The following MTSS1 variants were observed in gnomAD, a reference collection of about 807,000 sequenced individuals.
The protein encoded by MTSS1 is MTSS I-BAR domain containing 1.
A neutral mutation model predicts 79.0 loss-of-function variants in MTSS1; 18 were observed. The observed-to-expected ratio is 0.23, with a 90% CI of 0.16 to 0.34. MTSS1 has a LOEUF of 0.34. MTSS1 is among the 10% of genes least tolerant of loss of function. MTSS1 has a pLI of 1.00. For synonymous variants in MTSS1, 341 were observed against 368.6 expected (o/e 0.93, Z 0.86); for missense variants, 815 against 986.2 (o/e 0.83, Z 2.33).
At chr8:124,602,178 C>CACATATATACATATATAT (rs1833946423) in intron 3 of MTSS1, among the ~76,000 whole-genome samples, 1 of 101,420 alleles carries the variant, frequency 9.9e-6, no homozygotes, top group African/African-American at 4.7e-5. Flanking sequence ...AAATAAATCT[C>CACATATATACATATATAT]ATATATATAC....
At chr8:124,699,744 G>A in intron 2 of MTSS1, 145 bp from the exon 3 acceptor site, 1 of 703,306 alleles carries the variant, frequency 1.4e-6, no homozygotes, top group Non-Finnish European at 2.4e-6. Context: ...CCACTGTCTT[G>A]CTGAACCCAC....
chr8:124,635,777 AG>A (rs1362881899), intron 3 of MTSS1, among the ~76,000 whole-genome samples: 3 of 152,072 alleles, frequency 2.0e-5, no homozygotes, highest in Admixed American at 1.3e-4. Flanking sequence ...CCCTATTTGT[AG>A]ATGGAATCAA....
chr8:124,556,733 G>A (rs1255735725), intron 11 of MTSS1, among the ~76,000 whole-genome samples: 3 of 152,258 alleles, frequency 2.0e-5, no homozygotes, highest in African/African-American at 7.2e-5. Context: ...GCAGTACATC[G>A]TGCTTCTCCT....
intron 11 of MTSS1, 107 bp downstream of exon 11, chr8:124,557,574 T>C (rs894960178): frequency 1.1e-5 from 12 of 1,118,946 alleles, no homozygotes; most frequent in Non-Finnish European, 1.5e-5. Flanking sequence ...GAAGGCAGAG[T>C]GTGAAAGGAA....
intron 3 of MTSS1, among the ~76,000 whole-genome samples, chr8:124,648,459 C>T (rs1201158589): frequency 1.3e-5 from 2 of 152,120 alleles, no homozygotes; most frequent in African/African-American, 4.8e-5. Flanking sequence ...TCACTGGAAG[C>T]TCACTTTGCC....
chr8:124,678,915 G>A (rs943783206), intron 3 of MTSS1, among the ~76,000 whole-genome samples: 9 of 152,202 alleles, frequency 5.9e-5, no homozygotes, highest in East Asian at 1.9e-4. Context: ...ATGCTCCTTC[G>A]ACTATAAAAC....
At chr8:124,637,698 G>A (rs1385094315) in intron 3 of MTSS1, among the ~76,000 whole-genome samples, 1 of 152,182 alleles carries the variant, frequency 6.6e-6, no homozygotes, top group Non-Finnish European at 1.5e-5. Context: ...TCACATTTGG[G>A]TCTCAGATTC....
chr8:124,690,519 G>T (rs796663879), intron 3 of MTSS1, among the ~76,000 whole-genome samples: 3 of 152,336 alleles, frequency 2.0e-5, no homozygotes, highest in African/African-American at 7.2e-5. Context: ...GCCCTTTCAA[G>T]TGTCATTCCA....
rs1426259207 is a variant in MTSS1, at chr8:124,683,501, A to G, written c.208+16025T>C. Among the ~76,000 whole-genome samples the G allele has an allele frequency of 1.3e-5, 2 of 152,226 alleles. No homozygotes were observed. The highest frequency in any genetic ancestry group is 2.4e-5 in the African/African-American group (1 of 41,462). On this transcript the variant is annotated intron_variant, in intron 3 of 13. Transcript: ENST00000518547. This position sits in a 1 kb window ranked among gnomAD's most constrained non-coding sequence, Gnocchi z 4.5. ...TGCCAGCTTCTCTGACACCCTGGAAAGGAACTCAGAAACACAGGTGTCTCT... is the reference window on the plus strand; with the variant it reads ...TGCCAGCTTCTCTGACACCCTGGAAGGGAACTCAGAAACACAGGTGTCTCT...
intron 5 of MTSS1, among the ~76,000 whole-genome samples, chr8:124,588,928 T>C (rs911745550): frequency 6.6e-6 from 1 of 152,192 alleles, no homozygotes; most frequent in African/African-American, 2.4e-5. Context: ...TTGGCCAGGC[T>C]GGTCTCAGAC....
intron 6 of MTSS1, among the ~76,000 whole-genome samples, chr8:124,584,580 G>A (rs975419973): frequency 2.0e-5 from 3 of 152,142 alleles, no homozygotes; most frequent in African/African-American, 7.2e-5. Context: ...TGTGCTCAGT[G>A]GTAGATTATC....
At chr8:124,622,105 T>C (rs1384301316) in intron 3 of MTSS1, among the ~76,000 whole-genome samples, 1 of 150,830 alleles carries the variant, frequency 6.6e-6, no homozygotes, top group Non-Finnish European at 1.5e-5. Context: ...AGAATATGAA[T>C]ATATTTTTCA....
chr8:124,571,922 C>A (rs975597023), intron 6 of MTSS1, among the ~76,000 whole-genome samples: 4 of 152,112 alleles, frequency 2.6e-5, no homozygotes, highest in Admixed American at 1.3e-4. Flanking sequence ...TGAGATCATG[C>A]CACTGCACTC....
chr8:124,715,972 G>A (rs1831891026), intron 1 of MTSS1, among the ~76,000 whole-genome samples: 3 of 152,236 alleles, frequency 2.0e-5, no homozygotes, highest in African/African-American at 7.2e-5. Context: ...GTTTAGAAGG[G>A]TGACTAGCAA....
Position 124,717,637 on chromosome 8 carries a change from T to C in MTSS1, c.72+10247A>G, listed in dbSNP as rs537547753. ...TGAACCTGGGAGGCAGAGGTTGCAGTGAGCTGAGATCGCGCCACTGCATAC... is the reference window on the plus strand; with the variant it reads ...TGAACCTGGGAGGCAGAGGTTGCAGCGAGCTGAGATCGCGCCACTGCATAC... On this transcript the variant is annotated intron_variant, in intron 1 of 13. Transcript: ENST00000518547. Among the ~76,000 whole-genome samples, 68 of 151,838 alleles carry C rather than the reference T, an allele frequency of 4.5e-4. No homozygotes were observed. In the Middle Eastern group the frequency reaches 0.01, roughly 23 times the overall value.
chr8:124,700,886 T>C (rs944189274), intron 2 of MTSS1, among the ~76,000 whole-genome samples: 7 of 152,182 alleles, frequency 4.6e-5, no homozygotes, highest in Non-Finnish European at 8.8e-5. Context: ...GGATGCAAAG[T>C]TGCTGAAGAA....
At position 124,724,462 on chromosome 8, in the gene MTSS1, G is replaced by A. The variant is rs879830447; in HGVS notation, c.72+3422C>T. Reference sequence around the variant, plus strand: ...CCAGGTGTGGTTGGGGTTGTCTTGCGCCAGTCACATTCTATACTCCTAACC... The same window carrying A: ...CCAGGTGTGGTTGGGGTTGTCTTGCACCAGTCACATTCTATACTCCTAACC... On this transcript the variant is annotated intron_variant, in intron 1 of 13. Coordinates refer to ENST00000518547, the MANE Select transcript of MTSS1 (RefSeq NM_014751.6). 5.9e-5 allele frequency among the ~76,000 whole-genome samples: 9 copies of A among 152,220 alleles called. 1 individual carries two copies. The South Asian group carries it at 8.3e-4, about 14-fold the overall frequency.
At chr8:124,606,146 T>C (rs1834817426) in intron 3 of MTSS1, among the ~76,000 whole-genome samples, 1 of 150,060 alleles carries the variant, frequency 6.7e-6, no homozygotes, top group African/African-American at 2.5e-5. Flanking sequence ...CAGCTAATTT[T>C]TGTGTTTTCT....
chr8:124,612,573 AATGTGT>A (rs1229149981), intron 3 of MTSS1, among the ~76,000 whole-genome samples: 26 of 119,860 alleles, frequency 2.2e-4, no homozygotes, highest in African/African-American at 7.8e-4. Context: ...CCAAGTTTAA[AATGTGT>A]GTGTGTGTGT....
Sources: allele counts gnomAD v4.1 joint callset (sites outside exome capture counted in the v4.1 genomes callset), GRCh38; gene constraint gnomAD v4.1.1; non-coding constraint Gnocchi (gnomAD v3.1); transcripts MANE v1.5; gene names NCBI Gene and HGNC (gene_info 2026-07-23, HGNC 2026-07-21).